The following EIF2AK3 variants were observed in gnomAD, a reference collection of about 807,000 sequenced individuals.
EIF2AK3 encodes the protein eukaryotic translation initiation factor 2 alpha kinase 3, also known as eukaryotic translation initiation factor 2-alpha kinase 3.
A neutral mutation model predicts 113.5 loss-of-function variants in EIF2AK3; 50 were observed. The observed-to-expected ratio is 0.44, with a 90% CI of 0.35 to 0.56. The LOEUF (loss-of-function observed/expected upper bound fraction) is 0.56, where lower values mean the gene tolerates loss of function less well. EIF2AK3 is among the 20% of genes least tolerant of loss of function. The probability of loss-of-function intolerance (pLI) is 0.00; values close to 1 mark genes in which losing one functional copy is unlikely to be tolerated. For missense variants in EIF2AK3, 1,185 were observed against 1,378.0 expected (o/e 0.86, Z 2.22); for synonymous variants, 448 against 495.4 (o/e 0.90, Z 1.27).
chr2:88,582,027 G>C (rs903285606), intron 10 of EIF2AK3, among the ~76,000 whole-genome samples: 1 of 152,104 alleles, frequency 6.6e-6, no homozygotes, highest in Non-Finnish European at 1.5e-5. Flanking sequence ...ATGGAAATGC[G>C]AGTGGCATCA....
Position 88,620,859 on chromosome 2 carries a change from A to G in EIF2AK3, c.308+6108T>C, listed in dbSNP as rs565612869. ...GCTTGGAGCTTCCTACGGAAAAGAC[A>G]TTTATCTACTCTCAGGGCCTAGCAG... On this transcript the variant is annotated intron_variant, in intron 1 of 16. Coordinates refer to ENST00000303236, the MANE Select transcript of EIF2AK3 (RefSeq NM_004836.7). Among the ~76,000 whole-genome samples the G allele has an allele frequency of 2.0e-5, 3 of 152,362 alleles. No homozygotes were observed. The South Asian group carries it at 6.2e-4, about 32-fold the overall frequency.
At chr2:88,589,231 A>G (rs1322526143) in intron 6 of EIF2AK3, among the ~76,000 whole-genome samples, 1 of 152,240 alleles carries the variant, frequency 6.6e-6, no homozygotes, top group African/African-American at 2.4e-5. Flanking sequence ...TTTCTCAAGA[A>G]AGTTTACCTA....
At chr2:88,584,671 G>A (rs1674676232) in intron 9 of EIF2AK3, among the ~76,000 whole-genome samples, 1 of 152,028 alleles carries the variant, frequency 6.6e-6, no homozygotes, top group Non-Finnish European at 1.5e-5. Context: ...AGAAATAAGA[G>A]GTTAAAGAAG....
At chr2:88,571,525 AAGTG>A (rs1403594049) in intron 13 of EIF2AK3, among the ~76,000 whole-genome samples, 1 of 152,212 alleles carries the variant, frequency 6.6e-6, no homozygotes, top group Non-Finnish European at 1.5e-5. Flanking sequence ...CAGACATAGA[AAGTG>A]AGGCCCAGAA....
At chr2:88,592,198 C>T (rs1184353510) in intron 4 of EIF2AK3, among the ~76,000 whole-genome samples, 1 of 152,036 alleles carries the variant, frequency 6.6e-6, no homozygotes, top group African/African-American at 2.4e-5. Context: ...CTAGGTATCA[C>T]ATTTTTTAAT....
chr2:88,572,450 T>G (rs1485631533), intron 13 of EIF2AK3, among the ~76,000 whole-genome samples: 1 of 152,226 alleles, frequency 6.6e-6, no homozygotes, highest in Non-Finnish European at 1.5e-5. Flanking sequence ...GGAATCCCAT[T>G]GCCTGGCTAG....
intron 12 of EIF2AK3, among the ~76,000 whole-genome samples, chr2:88,576,250 CTT>C (rs765420735): frequency 1.4e-4 from 22 of 152,116 alleles, no homozygotes; most frequent in Non-Finnish European, 2.5e-4. Context: ...TAAGTTCTCT[CTT>C]ATTTTTTCTA....
At chr2:88,563,806 T>C (rs1011658939) in intron 14 of EIF2AK3, among the ~76,000 whole-genome samples, 1 of 152,168 alleles carries the variant, frequency 6.6e-6, no homozygotes, top group Non-Finnish European at 1.5e-5. Flanking sequence ...AATGTTAGAG[T>C]AGAATTCCAA....
intron 8 of EIF2AK3, among the ~76,000 whole-genome samples, chr2:88,587,098 G>A (rs923617835): frequency 1.3e-5 from 2 of 150,426 alleles, no homozygotes; most frequent in African/African-American, 2.4e-5. Context: ...CCAGCTACTC[G>A]GGAGGCTGAG....
intron 4 of EIF2AK3, among the ~76,000 whole-genome samples, chr2:88,592,551 G>A (rs1237916770): frequency 2.0e-5 from 3 of 152,182 alleles, no homozygotes; most frequent in East Asian, 3.9e-4. Context: ...ATCACCTGAG[G>A]TTGGGAGTTT....
chr2:88,559,243 A>T (rs886100863), intron 15 of EIF2AK3, among the ~76,000 whole-genome samples: 5 of 152,200 alleles, frequency 3.3e-5, no homozygotes, highest in Non-Finnish European at 5.9e-5. Flanking sequence ...GAAAATATTT[A>T]AAAAATTTAA....
At chr2:88,582,993 C>T (rs1301856728) in intron 10 of EIF2AK3, among the ~76,000 whole-genome samples, 3 of 152,056 alleles carry the variant, frequency 2.0e-5, no homozygotes, top group Non-Finnish European at 2.9e-5. Context: ...ATCCATCTCC[C>T]CCTTCTGCTT....
At position 88,601,834 on chromosome 2, in the gene EIF2AK3, CTTTTTTTTTTTT is replaced by C. The variant is rs59987968; in HGVS notation, c.439-6183_439-6172del. On this transcript the variant is annotated intron_variant, in intron 2 of 16. Coordinates refer to ENST00000303236, the MANE Select transcript of EIF2AK3 (RefSeq NM_004836.7). ...TCTGCATTTATTAGTTAAGATTTTTCTTTTTTTTTTTTTTTTTTTTTGCTTTTCTTTTTTTGA... is the reference window on the plus strand; with the variant it reads ...TCTGCATTTATTAGTTAAGATTTTTCTTTTTTTTTGCTTTTCTTTTTTTGA... Among the ~76,000 whole-genome samples, 606 of 74,882 alleles carry C rather than the reference CTTTTTTTTTTTT, an allele frequency of 8.1e-3. 6 individuals carry two copies. The Middle Eastern group carries it at 0.083, about 10-fold the overall frequency. 49.1% of individuals were successfully genotyped at this position (74,882 alleles called of 152,430 possible).
rs55861585 is a variant in EIF2AK3, at chr2:88,575,336, G to A, written c.2147C>T (p.Pro716Leu). Residue 716 changes from proline to leucine, a missense_variant, in exon 13 of 17, where the codon CCA becomes CTA. This residue lies in a region of EIF2AK3 where 877 missense variants were observed against 1,024.2 expected (regional missense o/e 0.86). Coordinates refer to ENST00000303236, the MANE Select transcript of EIF2AK3 (RefSeq NM_004836.7). The part of the protein sequence containing the change: ...KEHIEIIAPS[P>L]QRSRSFSVGI... ...TACTGAAAAAGACCTGCTTCTTTGTGGTGAAGGAGCTATGATTTCAATATG... is the reference window on the plus strand; with the variant it reads ...TACTGAAAAAGACCTGCTTCTTTGTAGTGAAGGAGCTATGATTTCAATATG... 748 of 1,614,042 alleles carry A rather than the reference G, an allele frequency of 4.6e-4. No homozygotes were observed. Among genetic ancestry groups the A allele is most frequent in the Non-Finnish European group, 5.9e-4 (701 of 1,180,030 alleles).
rs772689343 is a variant in EIF2AK3 at position 88,583,497 on chromosome 2, C to T, written c.1696G>A (p.Asp566Asn). 1 of 1,613,188 alleles carries T rather than the reference C, an allele frequency of 6.2e-7. No homozygotes were observed. The highest frequency in any genetic ancestry group is 1.1e-5 in the South Asian group (1 of 91,054). ...ETQCQTENKY[D>N]SVSGEANDSS... ...TCATTGGCTTCACCACTTACAGAAT[C>T]ATATTTATTTTCAGTTTGACACTGA... Residue 566 changes from aspartate (D) to asparagine (N), a missense_variant, in exon 10 of 17, where the codon GAT becomes AAT. By Grantham distance (23) the Asp-to-Asn change is conservative. This residue lies in a region of EIF2AK3 where 877 missense variants were observed against 1,024.2 expected (regional missense o/e 0.86). Transcript: ENST00000303236.
chr2:88,585,477 G>A (rs973834165), intron 9 of EIF2AK3, among the ~76,000 whole-genome samples: 5 of 152,050 alleles, frequency 3.3e-5, no homozygotes, highest in Non-Finnish European at 5.9e-5. Flanking sequence ...ACCATCTAAG[G>A]AGAGTTTGTG....
At position 88,575,317 on chromosome 2, in the gene EIF2AK3, A is replaced by G. The variant is rs757790144; in HGVS notation, c.2166T>C (p.Phe722=). Residue 722 remains phenylalanine, a synonymous_variant, in exon 13 of 17, where the codon TTT becomes TTC. Transcript: ENST00000303236. ...IAPSPQRSRS[F]SVGISCDQTS... is the part of the protein sequence containing the mutation. ...TCTGGTCACAGGAAATCCCTACTGA[A>G]AAAGACCTGCTTCTTTGTGGTGAAG... 1 of 1,614,208 alleles carries G rather than the reference A, an allele frequency of 6.2e-7. No individual in the cohort carries two copies. The highest frequency in any genetic ancestry group is 1.1e-5 in the South Asian group (1 of 91,078).
At chr2:88,583,337 T>C in intron 10 of EIF2AK3, 93 bp downstream of exon 10, 1 of 922,466 alleles carries the variant, frequency 1.1e-6, no homozygotes, top group South Asian at 1.4e-5. Context: ...ATGTTTTATT[T>C]TTCTAGATAT....
At chr2:88,614,482 A>G (rs771692249) in intron 1 of EIF2AK3, among the ~76,000 whole-genome samples, 1 of 152,134 alleles carries the variant, frequency 6.6e-6, no homozygotes, top group Non-Finnish European at 1.5e-5. Context: ...TAACATATTT[A>G]ACATACTTCT....
Sources: gnomAD v4.1 joint callset for allele counts (sites outside exome capture counted in the v4.1 genomes callset) on GRCh38, gnomAD v4.1.1 for gene constraint, gnomAD v4.1.1 regional missense constraint, MANE v1.5 for transcripts, NCBI Gene and HGNC (gene_info 2026-07-23, HGNC 2026-07-21) for gene names.